The following ST6GALNAC3 variants were observed in gnomAD, a reference collection of about 807,000 sequenced individuals.
ST6GALNAC3 encodes the protein ST6 N-acetylgalactosaminide alpha-2,6-sialyltransferase 3, also known as alpha-N-acetylgalactosaminide alpha-2,6-sialyltransferase 3.
A neutral mutation model predicts 32.7 loss-of-function variants in ST6GALNAC3; 25 were observed. That is an observed-to-expected ratio of 0.76 (90% CI 0.56 to 1.07). The LOEUF is 1.07. Among genes scored for constraint, ST6GALNAC3 ranks in the 50% least tolerant of loss-of-function variants. ST6GALNAC3 has a pLI of 0.00. For missense variants in ST6GALNAC3, 355 were observed against 382.4 expected (o/e 0.93, Z 0.60); for synonymous variants, 129 against 133.1 (o/e 0.97, Z 0.21).
intron 1 of ST6GALNAC3, among the ~76,000 whole-genome samples, chr1:76,245,528 T>C (rs1259188145): frequency 6.6e-6 from 1 of 152,144 alleles, no homozygotes; most frequent in Non-Finnish European, 1.5e-5. Flanking sequence ...TGTTAGGGTA[T>C]AGCTTTGAGG....
In ST6GALNAC3 at chr1:76,454,541, A is replaced by G. The variant is rs535338920; in HGVS notation, c.623+42124A>G. On this transcript the variant is annotated intron_variant, in intron 3 of 4. Transcript: ENST00000328299. ...GACTATATCTTTCCTTCATTTATGAAGCTTAGTTTCCCAGGATGCAAAATT... is the reference window on the plus strand; with the variant it reads ...GACTATATCTTTCCTTCATTTATGAGGCTTAGTTTCCCAGGATGCAAAATT... 2.6e-5 allele frequency among the ~76,000 whole-genome samples: 4 copies of G among 152,238 alleles called. No homozygotes were observed. In the East Asian group the frequency reaches 7.7e-4, roughly 29 times the overall value.
intron 1 of ST6GALNAC3, among the ~76,000 whole-genome samples, chr1:76,281,223 C>A (rs895716837): frequency 1.3e-5 from 2 of 152,028 alleles, no homozygotes; most frequent in Admixed American, 6.5e-5. Context: ...ACCTTGAAAT[C>A]GATATAGATT....
chr1:76,387,373 G>T (rs1051768518), intron 2 of ST6GALNAC3, among the ~76,000 whole-genome samples: 3 of 152,122 alleles, frequency 2.0e-5, no homozygotes, highest in Admixed American at 1.3e-4. Flanking sequence ...ATGAAGGGAT[G>T]ATGTCCCAAC....
At chr1:76,559,516 T>G (rs1665121389) in intron 3 of ST6GALNAC3, among the ~76,000 whole-genome samples, 2 of 152,164 alleles carry the variant, frequency 1.3e-5, no homozygotes, top group South Asian at 4.1e-4. Context: ...GAACAATAGA[T>G]ACGTTAAACT....
intron 2 of ST6GALNAC3, among the ~76,000 whole-genome samples, chr1:76,345,186 C>T (rs112877075): frequency 2.6e-5 from 4 of 152,104 alleles, no homozygotes; most frequent in African/African-American, 9.7e-5. Flanking sequence ...TCCTTCTCCC[C>T]CGGACAGTGA....
intron 1 of ST6GALNAC3, among the ~76,000 whole-genome samples, chr1:76,119,184 G>T (rs1307363459): frequency 6.6e-6 from 1 of 152,180 alleles, no homozygotes; most frequent in Non-Finnish European, 1.5e-5. Flanking sequence ...AAGGACAAGG[G>T]AGGAATCTCC....
rs1646818857 is a variant in ST6GALNAC3 at position 76,313,948 on chromosome 1, C to T, written c.162C>T (p.Tyr54=). ...AGTGGATACCATTCTCCTACACATA[C>T]AGGCGGCCCCTTCGAACTCACTATG... ...GTKWIPFSYT[Y]RRPLRTHYGY... Residue 54 remains tyrosine, a synonymous_variant, in exon 2 of 5, where the codon TAC becomes TAT. Coordinates refer to ENST00000328299, the MANE Select transcript of ST6GALNAC3 (RefSeq NM_152996.4). 2.5e-6 allele frequency: 4 copies of T among 1,613,300 alleles called. No individual in the cohort carries two copies. Among genetic ancestry groups the T allele is most frequent in the South Asian group, 1.1e-5 (1 of 91,052 alleles).
At chr1:76,155,296 T>TA in intron 1 of ST6GALNAC3, among the ~76,000 whole-genome samples, 1 of 152,250 alleles carries the variant, frequency 6.6e-6, no homozygotes, top group Admixed American at 6.5e-5. Context: ...GCGCCTACAC[T>TA]GGAGCCATGA....
At chr1:76,215,555 C>T (rs1180316349) in intron 1 of ST6GALNAC3, among the ~76,000 whole-genome samples, 3 of 152,132 alleles carry the variant, frequency 2.0e-5, no homozygotes, top group Admixed American at 6.6e-5. Context: ...GAGGTCTTGA[C>T]GATTTCTGTT....
At chr1:76,580,628 G>T (rs1646879038) in intron 3 of ST6GALNAC3, among the ~76,000 whole-genome samples, 1 of 151,992 alleles carries the variant, frequency 6.6e-6, no homozygotes, top group African/African-American at 2.4e-5. Flanking sequence ...TACTCTTTTT[G>T]TGTCTTCATC....
chr1:76,074,959 G>A (rs1646792437), intron 1 of ST6GALNAC3, 75 bp downstream of exon 1: 1 of 1,533,144 alleles, frequency 6.5e-7, no homozygotes, highest in Admixed American at 2.0e-5. Context: ...AGTCAGCCGC[G>A]GTCCCACCGC....
intron 1 of ST6GALNAC3, among the ~76,000 whole-genome samples, chr1:76,230,777 TG>T (rs1656322748): frequency 6.6e-6 from 1 of 152,244 alleles, no homozygotes; most frequent in Non-Finnish European, 1.5e-5. Context: ...ATTTGCCAGT[TG>T]GCAAACATTC....
chr1:76,389,012 C>CTTTTTTTTTTT (rs371619828), intron 2 of ST6GALNAC3, among the ~76,000 whole-genome samples: 9 of 127,362 alleles, frequency 7.1e-5, no homozygotes, highest in South Asian at 4.8e-4. Context: ...GGTATATTTC[C>CTTTTTTTTTTT]TTTTTTTTTT....
chr1:76,517,970 T>G (rs1416760120), intron 3 of ST6GALNAC3, among the ~76,000 whole-genome samples: 1 of 152,060 alleles, frequency 6.6e-6, no homozygotes, highest in Admixed American at 6.5e-5. Context: ...ATGTAGTCAA[T>G]CTTTTAAAAT....
intron 3 of ST6GALNAC3, among the ~76,000 whole-genome samples, chr1:76,517,382 T>TG (rs1662237411): frequency 6.6e-6 from 1 of 151,882 alleles, no homozygotes; most frequent in Non-Finnish European, 1.5e-5. Context: ...TAATGTTTTA[T>TG]TTTTGTCATA....
At chr1:76,167,891 G>C (rs1175344974) in intron 1 of ST6GALNAC3, among the ~76,000 whole-genome samples, 1 of 151,750 alleles carries the variant, frequency 6.6e-6, no homozygotes, top group African/African-American at 2.4e-5. Context: ...TTCTTTATTA[G>C]TTTAGCTAGT....
At chr1:76,114,289 G>A (rs1197702320) in intron 1 of ST6GALNAC3, among the ~76,000 whole-genome samples, 3 of 152,094 alleles carry the variant, frequency 2.0e-5, no homozygotes, top group African/African-American at 4.8e-5. Context: ...TCCCATCATG[G>A]TTTTCATAGC....
intron 1 of ST6GALNAC3, among the ~76,000 whole-genome samples, chr1:76,208,037 G>C (rs1170836672): frequency 2.3e-5 from 1 of 42,924 alleles, no homozygotes; most frequent in Admixed American, 4.0e-4. Context: ...TCCCACTCAA[G>C]AGTGCCCCCC....
chr1:76,526,662 C>G (rs765759989), intron 3 of ST6GALNAC3, among the ~76,000 whole-genome samples: 12 of 152,108 alleles, frequency 7.9e-5, no homozygotes, highest in Non-Finnish European at 1.0e-4. Flanking sequence ...GGAGTCAACA[C>G]TTCACTTTCA....
Sources: gnomAD v4.1 joint callset for allele counts (sites outside exome capture counted in the v4.1 genomes callset) on GRCh38, gnomAD v4.1.1 for gene constraint, MANE v1.5 for transcripts, NCBI Gene and HGNC (gene_info 2026-07-23, HGNC 2026-07-21) for gene names.